DLGAP2: variants seen among roughly 807,000 people sequenced by gnomAD.
The protein encoded by DLGAP2 is disks large-associated protein 2.
DLGAP2 carries 26 observed loss-of-function variants against 100.3 expected under a neutral mutation model. That is an observed-to-expected ratio of 0.26 (90% CI 0.19 to 0.36). The LOEUF is 0.36. Ranked by LOEUF, DLGAP2 falls within the 10% of genes least tolerant of loss-of-function variation. DLGAP2 has a pLI of 1.00. For missense variants in DLGAP2, 1,858 were observed against 1,453.2 expected, an observed-to-expected ratio of 1.28 and a Z score of -4.53; for synonymous variants, 886 against 630.1, an observed-to-expected ratio of 1.41 and a Z score of -6.08.
intron 2 of DLGAP2, among the ~76,000 whole-genome samples, chr8:1,188,619 C>T (rs79696512): frequency 6.6e-6 from 1 of 152,096 alleles, no homozygotes; most frequent in African/African-American, 2.4e-5. Context: ...ATTTGCCTCA[C>T]GGAATCTCAC....
chr8:924,705 C>T (rs1279969313), intron 2 of DLGAP2, among the ~76,000 whole-genome samples: 1 of 151,942 alleles, frequency 6.6e-6, no homozygotes, highest in East Asian at 1.9e-4. Flanking sequence ...GCCTCAGCCT[C>T]CTGAGTAGCT....
chr8:997,110 G>GA (rs1432610142), intron 2 of DLGAP2, among the ~76,000 whole-genome samples: 6 of 151,988 alleles, frequency 3.9e-5, no homozygotes, highest in African/African-American at 1.4e-4. Context: ...TGAAAATTGA[G>GA]AAAAAAACAA....
At chr8:1,270,744 CTGTG>C (rs1799565878) in intron 3 of DLGAP2, among the ~76,000 whole-genome samples, 1 of 150,342 alleles carries the variant, frequency 6.7e-6, no homozygotes, top group Non-Finnish European at 1.5e-5. Context: ...TTGTGTCTCT[CTGTG>C]TGTCTACCTC....
At chr8:980,825 G>T (rs1170785689) in intron 2 of DLGAP2, among the ~76,000 whole-genome samples, 1 of 152,160 alleles carries the variant, frequency 6.6e-6, no homozygotes, top group East Asian at 1.9e-4. Flanking sequence ...GGGAGAGGGA[G>T]GGATAGGAGT....
chr8:896,585 C>T lies in DLGAP2; in HGVS notation c.19-11327C>T, dbSNP rs529816053. On this transcript the variant is annotated intron_variant, in intron 1 of 14. Transcript: ENST00000637795. ...GCTTGGAGGGTGGGGCCCTGGGGGG[C>T]GATGACGGCGAGGTGTAGTCACGAG... Among the ~76,000 whole-genome samples, 100 of 152,000 alleles carry T rather than the reference C, an allele frequency of 6.6e-4. 1 individual carries two copies. Among genetic ancestry groups the T allele is most frequent in the Non-Finnish European group, 1.2e-3 (79 of 67,942 alleles).
chr8:1,648,562 G>A (rs1487609055), intron 8 of DLGAP2, among the ~76,000 whole-genome samples: 1 of 152,024 alleles, frequency 6.6e-6, no homozygotes, highest in Non-Finnish European at 1.5e-5. Context: ...TCCCCTCATT[G>A]GTCCCCTCCG....
intron 12 of DLGAP2, among the ~76,000 whole-genome samples, chr8:1,682,162 C>A (rs1370003796): frequency 6.6e-6 from 1 of 152,218 alleles, no homozygotes; most frequent in Non-Finnish European, 1.5e-5. Flanking sequence ...TCTGGTCCTC[C>A]ACGACTGTGA....
chr8:805,279 C>T (rs1345746317), intron 1 of DLGAP2, among the ~76,000 whole-genome samples: 1 of 152,144 alleles, frequency 6.6e-6, no homozygotes, highest in Non-Finnish European at 1.5e-5. Flanking sequence ...ACCATATATC[C>T]TTCCTAAATT....
intron 2 of DLGAP2, among the ~76,000 whole-genome samples, chr8:1,203,121 A>T (rs997472600): frequency 9.3e-5 from 14 of 151,000 alleles, no homozygotes; most frequent in African/African-American, 2.7e-4. Flanking sequence ...TTTGTTTGTT[A>T]GTTCGTTTGT....
intron 3 of DLGAP2, among the ~76,000 whole-genome samples, chr8:1,324,069 A>T (rs1800967162): frequency 6.6e-6 from 1 of 152,208 alleles, no homozygotes; most frequent in South Asian, 2.1e-4. Flanking sequence ...GGAAAGGCTG[A>T]AGCTATGTCT....
chr8:804,718 C>A (rs1157729081), intron 1 of DLGAP2, among the ~76,000 whole-genome samples: 1 of 152,188 alleles, frequency 6.6e-6, no homozygotes, highest in Non-Finnish European at 1.5e-5. Flanking sequence ...CTTAAGTCTT[C>A]CAGCAAGGGC....
At chr8:1,145,383 T>A (rs559155395) in intron 2 of DLGAP2, among the ~76,000 whole-genome samples, 1 of 152,280 alleles carries the variant, frequency 6.6e-6, no homozygotes, top group South Asian at 2.1e-4. Flanking sequence ...GCGGTTCCAC[T>A]CGCCCAGCGT....
intron 3 of DLGAP2, among the ~76,000 whole-genome samples, chr8:1,282,160 G>C (rs1042621653): frequency 6.7e-6 from 1 of 149,892 alleles, no homozygotes; most frequent in African/African-American, 2.5e-5. Flanking sequence ...GTACCATCCA[G>C]ACGTGGTGTG....
intron 2 of DLGAP2, among the ~76,000 whole-genome samples, chr8:1,036,407 C>T (rs1442746195): frequency 6.6e-6 from 1 of 152,242 alleles, no homozygotes; most frequent in African/African-American, 2.4e-5. Context: ...GAGAGCTCAG[C>T]TCCTCAGGGC....
rs1453569618 is a variant in DLGAP2, at chr8:1,038,081, G to C, written c.73+130115G>C. Among the ~76,000 whole-genome samples the C allele has an allele frequency of 2.0e-5, 3 of 152,364 alleles. No homozygotes were observed. In the East Asian group the frequency reaches 5.8e-4, roughly 29 times the overall value. On this transcript the variant is annotated intron_variant, in intron 2 of 14. Coordinates refer to ENST00000637795, the MANE Select transcript of DLGAP2 (RefSeq NM_001346810.2). Reference sequence around the variant, plus strand: ...TTTGTCGTTGGTGTCCTCGGATGCTGTAGGTAGGCTGTGTGTGTTAAGTGT... The same window carrying C: ...TTTGTCGTTGGTGTCCTCGGATGCTCTAGGTAGGCTGTGTGTGTTAAGTGT...
intron 3 of DLGAP2, among the ~76,000 whole-genome samples, chr8:1,464,117 T>A (rs1172338314): frequency 2.3e-5 from 1 of 44,218 alleles, no homozygotes; most frequent in African/African-American, 9.9e-5. Flanking sequence ...CAAGTCACTG[T>A]CCCCAAAGCC....
chr8:1,091,736 C>A (rs923133643), intron 2 of DLGAP2, among the ~76,000 whole-genome samples: 1 of 152,034 alleles, frequency 6.6e-6, no homozygotes, highest in Non-Finnish European at 1.5e-5. Context: ...GCGTGTCTCC[C>A]GTGGAAGCTG....
At chr8:1,506,939 A>T (rs1034768438) in intron 4 of DLGAP2, among the ~76,000 whole-genome samples, 1 of 152,200 alleles carries the variant, frequency 6.6e-6, no homozygotes, top group Non-Finnish European at 1.5e-5. Flanking sequence ...AGCTAGACAT[A>T]AAAGTTCTCC....
At chr8:747,633 G>A (rs1263657146) in intron 1 of DLGAP2, among the ~76,000 whole-genome samples, 3 of 137,846 alleles carry the variant, frequency 2.2e-5, no homozygotes, top group Non-Finnish European at 4.7e-5. Flanking sequence ...TGGGTGCGGG[G>A]GCTCCAGGAT....
Sources: allele counts gnomAD v4.1 joint callset (sites outside exome capture counted in the v4.1 genomes callset), GRCh38; gene constraint gnomAD v4.1.1; transcripts MANE v1.5; gene names NCBI Gene and HGNC (gene_info 2026-07-23, HGNC 2026-07-21).